Variants in RTEL1 observed in about 807,000 individuals in gnomAD.
The protein encoded by RTEL1 is regulator of telomere length.
Under a neutral mutation model 162.2 loss-of-function variants are expected in RTEL1, and 86 were observed. The ratio of observed to expected loss-of-function variants is 0.53; its 90% CI spans 0.45 to 0.63. RTEL1 has a LOEUF of 0.63. RTEL1 is among the 30% of genes least tolerant of loss of function. The pLI, the probability that RTEL1 is intolerant of heterozygous loss-of-function variation, is 0.00. For missense variants in RTEL1, 1,941 were observed against 1,750.2 expected (o/e 1.11, Z -1.95); for synonymous variants, 958 against 717.9 (o/e 1.33, Z -5.35).
At chr20:63,681,464 C>T (rs955769628) in intron 14 of RTEL1, 1 of 985,320 alleles carries the variant, frequency 1.0e-6, no homozygotes, top group Admixed American at 6.1e-5. Context: ...CACGCTGTAC[C>T]TGCTGGCCAC....
At chr20:63,673,357 G>A (rs2146195896) in intron 9 of RTEL1, among the ~76,000 whole-genome samples, 1 of 152,244 alleles carries the variant, frequency 6.6e-6, no homozygotes, top group Middle Eastern at 3.4e-3. Flanking sequence ...TCACACCACT[G>A]TACTCCAGCC....
At chr20:63,667,188 G>T (rs191407704) in intron 7 of RTEL1, among the ~76,000 whole-genome samples, 2 of 152,106 alleles carry the variant, frequency 1.3e-5, no homozygotes, top group African/African-American at 4.8e-5. Flanking sequence ...TTCTATCCAG[G>T]AATAGGGTTG....
rs2090696292 is a variant in RTEL1, at chr20:63,690,085, A to G, written c.2142-2A>G. 1 of 1,610,438 alleles carries G rather than the reference A, an allele frequency of 6.2e-7. No individual in the cohort carries two copies. The highest frequency in any genetic ancestry group is 1.7e-5 in the Admixed American group (1 of 59,960). Reference sequence around the variant, plus strand: ...GGCAGCAGGGCTATGGCCACCCCCCAGGTTCGCCTTTGCCGACGCAAGAGC... The same window carrying G: ...GGCAGCAGGGCTATGGCCACCCCCCGGGTTCGCCTTTGCCGACGCAAGAGC... On this transcript the variant is annotated splice_acceptor_variant, in intron 24 of 34. Coordinates refer to ENST00000360203, the MANE Select transcript of RTEL1 (RefSeq NM_001283009.2). LOFTEE classifies it high-confidence loss of function.
rs771768208 is a variant in RTEL1, at chr20:63,695,102, G to T, written c.3380G>T (p.Arg1127Leu). The T allele has an allele frequency of 6.2e-7, 1 of 1,612,366 alleles. No individual in the cohort carries two copies. Among genetic ancestry groups the T allele is most frequent in the South Asian group, 1.1e-5 (1 of 91,092 alleles). The change falls in exon 33 of 35, where the codon CGC becomes CTC. Residue 1127 changes from arginine to leucine, a missense_variant. Physicochemically the swap from Arg to Leu is moderately radical, Grantham distance 102. Transcript: ENST00000360203. Reference sequence around the variant, plus strand: ...TTTGTGCGTCCACACCACAAGCAGCGCTTCTCACAGACGTGCACAGACCTG... The same window carrying T: ...TTTGTGCGTCCACACCACAAGCAGCTCTTCTCACAGACGTGCACAGACCTG... Reference protein sequence around the residue: ...SMFVRPHHKQRFSQTCTDLTG... With the variant: ...SMFVRPHHKQLFSQTCTDLTG...
rs926033899 is a variant in RTEL1, at chr20:63,696,160, C to A, written c.*302C>A. 14 of 483,934 alleles carry A rather than the reference C, an allele frequency of 2.9e-5. No individual in the cohort carries two copies. Among genetic ancestry groups the A allele is most frequent in the Non-Finnish European group, 5.2e-5 (14 of 271,514 alleles). The allele number at this position is 483,934 out of a possible 1,614,324, so 30.0% of individuals were successfully genotyped here. On this transcript the variant is annotated 3_prime_UTR_variant, in exon 35 of 35. Transcript: ENST00000360203. ...ACAGGGGCACCCCAGCTGAGCCCCTCACCGGGAAGGAGGAGACCCCCGTGG... is the reference window on the plus strand; with the variant it reads ...ACAGGGGCACCCCAGCTGAGCCCCTAACCGGGAAGGAGGAGACCCCCGTGG...
rs201555555 is a variant in RTEL1 at position 63,661,446 on chromosome 20, G to C, written c.251G>C (p.Arg84Pro). The change falls in exon 3 of 35, where the codon CGG (arginine) becomes CCG (proline). Residue 84 changes from arginine to proline, a missense_variant. Arg to Pro is a moderately radical substitution (Grantham distance 103). Coordinates refer to ENST00000360203, the MANE Select transcript of RTEL1 (RefSeq NM_001283009.2). This position sits in a 1 kb window ranked among gnomAD's most constrained non-coding sequence, Gnocchi z 5.1. The part of the protein sequence containing the change: ...ERAQGELFPD[R>P]ALSSWGNAAA... ...GCGCAAGGAGAGCTTTTCCCGGATC[G>C]GGCCTTGTCATCCTGGGGCAACGCT... is the stretch of plus-strand genomic sequence containing the variant. The C allele has an allele frequency of 1.7e-5, 28 of 1,613,458 alleles. No individual in the cohort carries two copies. In the African/African-American group the frequency reaches 3.6e-4, roughly 21 times the overall value.
chr20:63,684,571 T>A (rs1203633135), intron 14 of RTEL1, among the ~76,000 whole-genome samples: 1 of 152,148 alleles, frequency 6.6e-6, no homozygotes. Context: ...GCCAGGATGG[T>A]CTCGATCTCC....
intron 21 of RTEL1, 142 bp downstream of exon 21, chr20:63,688,747 C>T (rs1162704103): frequency 2.7e-6 from 2 of 736,164 alleles, no homozygotes; most frequent in Non-Finnish European, 4.4e-6. Flanking sequence ...CGTTTCCTTC[C>T]TGGCCCTGAG....
At position 63,690,115 on chromosome 20, in the gene RTEL1, C is replaced by G. The variant is rs779981404; in HGVS notation, c.2170C>G (p.Leu724Val). The stretch of plus-strand genomic sequence containing the variant: ...CGCCTTTGCCGACGCAAGAGCCCAA[C>G]TGCCCTCCTGGGTGCGTCCCCACGT... Reference protein sequence around the residue: ...RFAFADARAQLPSWVRPHVRV... With the variant: ...RFAFADARAQVPSWVRPHVRV... Residue 724 changes from leucine (L) to valine (V), a missense_variant, in exon 25 of 35, where the codon CTG (leucine) becomes GTG (valine). Transcript: ENST00000360203. The G allele has an allele frequency of 1.2e-6, 2 of 1,612,262 alleles. No homozygotes were observed. Among genetic ancestry groups the G allele is most frequent in the Admixed American group, 1.7e-5 (1 of 60,012 alleles).
chr20:63,684,887 G>GC (rs1473242052), intron 14 of RTEL1, among the ~76,000 whole-genome samples: 1 of 146,794 alleles, frequency 6.8e-6, no homozygotes, highest in East Asian at 2.0e-4. Flanking sequence ...TTGAATTCCT[G>GC]TTTTTTTTTT....
At position 63,661,055 on chromosome 20, in the gene RTEL1, G is replaced by A. The variant is rs1466602727; in HGVS notation, c.103-243G>A. Among the ~76,000 whole-genome samples, 1 of 152,250 alleles carries A rather than the reference G, an allele frequency of 6.6e-6. No individual in the cohort carries two copies. The highest frequency in any genetic ancestry group is 1.5e-5 in the Non-Finnish European group (1 of 68,042). On this transcript the variant is annotated intron_variant, in intron 2 of 34. Transcript: ENST00000360203. The surrounding 1 kb of genome is among the most constrained non-coding windows in gnomAD (Gnocchi z 5.1). ...ACTATTTAAGCTGAAAAATAGTGTC[G>A]TGTTTTGGGTAACGTTCTGCAAATC...
chr20:63,668,434 C>A lies in RTEL1; in HGVS notation c.699+881C>A, dbSNP rs2090184794. 6.6e-6 allele frequency among the ~76,000 whole-genome samples: 1 copy of A among 152,084 alleles called. No homozygotes were observed. The highest frequency in any genetic ancestry group is 1.5e-5 in the Non-Finnish European group (1 of 68,024). On this transcript the variant is annotated intron_variant, in intron 8 of 34. Coordinates refer to ENST00000360203, the MANE Select transcript of RTEL1 (RefSeq NM_001283009.2). The surrounding 1 kb of genome is among the most constrained non-coding windows in gnomAD (Gnocchi z 4.3). ...GATTCTAGTGGTGGGGACAGGTGGA[C>A]AGCAAAAGAGTAAGCACGTGAGCTG...
At chr20:63,694,705 C>A in intron 31 of RTEL1, 36 bp from the exon 32 acceptor site, 2 of 1,531,432 alleles carry the variant, frequency 1.3e-6, no homozygotes, top group South Asian at 1.2e-5. Flanking sequence ...GTCCTCCACC[C>A]CAGCGCCACT....
In RTEL1 at chr20:63,688,003, C is replaced by A. The variant is rs116057134; in HGVS notation, c.1548C>A (p.Val516=). The A allele has an allele frequency of 1.2e-6, 2 of 1,612,822 alleles. No homozygotes were observed. Among genetic ancestry groups the A allele is most frequent in the Admixed American group, 3.3e-5 (2 of 60,024 alleles). ...AGCACCAGATCTGGGTGGGGGTCGT[C>A]CCCAGAGGCCCCGATGGAGCCCAGT... ...IDKHQIWVGV[V]PRGPDGAQLS... The change falls in exon 18 of 35, where the codon GTC becomes GTA. Residue 516 remains valine, a synonymous_variant. Coordinates refer to ENST00000360203, the MANE Select transcript of RTEL1 (RefSeq NM_001283009.2).
rs149088158 is a variant in RTEL1, at chr20:63,661,110, G to A, written c.103-188G>A. ...GCTAATGGCGGCTGAGTTGCTTCAC[G>A]CCCTTTAGGGCAAGAGTGGGACTTG... On this transcript the variant is annotated intron_variant, in intron 2 of 34. Coordinates refer to ENST00000360203, the MANE Select transcript of RTEL1 (RefSeq NM_001283009.2). This position sits in a 1 kb window ranked among gnomAD's most constrained non-coding sequence, Gnocchi z 5.1. Among the ~76,000 whole-genome samples, 43 of 152,332 alleles carry A rather than the reference G, an allele frequency of 2.8e-4. No individual in the cohort carries two copies. Among genetic ancestry groups the A allele is most frequent in the African/African-American group, 9.6e-4 (40 of 41,580 alleles).
chr20:63,662,925 A>T, intron 6 of RTEL1, 36 bp downstream of exon 6: 1 of 1,591,608 alleles, frequency 6.3e-7, no homozygotes, highest in Non-Finnish European at 8.6e-7. Flanking sequence ...GTCGGGTTGG[A>T]GTGTGTGCAG....
chr20:63,659,126 G>C, intron 1 of RTEL1, 107 bp from the exon 2 acceptor site: 1 of 443,430 alleles, frequency 2.3e-6, no homozygotes, highest in Non-Finnish European at 4.2e-6. Flanking sequence ...GATATACCAG[G>C]GTTGCTCTCC....
intron 12 of RTEL1, among the ~76,000 whole-genome samples, chr20:63,679,552 G>C (rs1601137585): frequency 6.6e-6 from 1 of 152,100 alleles, no homozygotes; most frequent in South Asian, 2.1e-4. Context: ...TGCTGGCCAG[G>C]CCTCCTCTCC....
intron 28 of RTEL1, chr20:63,692,054 T>C (rs2090759912): frequency 3.8e-6 from 2 of 523,242 alleles, no homozygotes; most frequent in East Asian, 3.3e-5. Flanking sequence ...GGCCCCACCC[T>C]TGGGCAGGTT....
Sources: gnomAD v4.1 joint callset for allele counts (sites outside exome capture counted in the v4.1 genomes callset) on GRCh38, gnomAD v4.1.1 for gene constraint, Gnocchi (gnomAD v3.1) non-coding constraint, MANE v1.5 for transcripts, NCBI Gene and HGNC (gene_info 2026-07-23, HGNC 2026-07-21) for gene names.